PDE4D: variants seen among roughly 807,000 people sequenced by gnomAD.
PDE4D encodes the protein 3',5'-cyclic-AMP phosphodiesterase 4D.
PDE4D carries 24 observed loss-of-function variants against 87.4 expected under a neutral mutation model. The ratio of observed to expected loss-of-function variants is 0.27; its 90% CI spans 0.20 to 0.39. The LOEUF is 0.39. Among genes scored for constraint, PDE4D ranks in the 10% least tolerant of loss-of-function variants. The probability of loss-of-function intolerance (pLI) is 1.00; values close to 1 mark genes in which losing one functional copy is unlikely to be tolerated. For synonymous variants in PDE4D, 384 were observed against 383.2 expected (o/e 1.00, Z -0.02); for missense variants, 714 against 1,041.0 (o/e 0.69, Z 4.32).
chr5:60,378,881 AAGAG>A (rs368224897), intron 1 of PDE4D, among the ~76,000 whole-genome samples: 10 of 150,928 alleles, frequency 6.6e-5, no homozygotes, highest in African/African-American at 9.7e-5. Flanking sequence ...GAAAGAAAGA[AAGAG>A]AGAGAGAGAG....
intron 1 of PDE4D, among the ~76,000 whole-genome samples, chr5:59,388,647 A>ACACG (rs1243102888): frequency 2.0e-5 from 3 of 151,392 alleles, no homozygotes; most frequent in African/African-American, 7.3e-5. Flanking sequence ...ACACACACAC[A>ACACG]CTCACACACT....
intron 1 of PDE4D, among the ~76,000 whole-genome samples, chr5:59,484,306 T>G (rs1804740416): frequency 6.6e-6 from 1 of 152,216 alleles, no homozygotes; most frequent in African/African-American, 2.4e-5. Context: ...TGATGAATAA[T>G]GCTTATGTTT....
At chr5:60,331,734 G>T (rs1191899038) in intron 1 of PDE4D, among the ~76,000 whole-genome samples, 1 of 152,162 alleles carries the variant, frequency 6.6e-6, no homozygotes, top group African/African-American at 2.4e-5. Context: ...ATGCAGGGCT[G>T]GGCAGGGAAT....
chr5:59,580,530 G>A (rs765938847), intron 1 of PDE4D, among the ~76,000 whole-genome samples: 4 of 152,038 alleles, frequency 2.6e-5, no homozygotes, highest in Non-Finnish European at 5.9e-5. Flanking sequence ...GCAGTGGCAT[G>A]ATCATGGCTT....
chr5:60,301,313 ATT>A (rs1391374919), intron 1 of PDE4D, among the ~76,000 whole-genome samples: 4 of 152,134 alleles, frequency 2.6e-5, no homozygotes, highest in African/African-American at 4.8e-5. Context: ...CAGCATGACC[ATT>A]TTCACAATAT....
intron 9 of PDE4D, 71 bp from the exon 10 acceptor site, chr5:58,989,990 A>C (rs1399478246): frequency 1.1e-6 from 1 of 933,326 alleles, no homozygotes; most frequent in Non-Finnish European, 1.6e-6. Context: ...TATGTTTAAA[A>C]AAAAAAATCA....
chr5:59,943,111 T>C (rs1444973821), intron 3 of PDE4D, among the ~76,000 whole-genome samples: 1 of 152,166 alleles, frequency 6.6e-6, no homozygotes, highest in Non-Finnish European at 1.5e-5. Context: ...CACTTGAATG[T>C]ATTTTGAGTC....
intron 2 of PDE4D, among the ~76,000 whole-genome samples, chr5:59,214,064 AC>A (rs1243019102): frequency 1.1e-4 from 16 of 148,714 alleles, no homozygotes; most frequent in Non-Finnish European, 1.9e-4. Flanking sequence ...ACACACACAC[AC>A]ACACACACAC....
intron 1 of PDE4D, among the ~76,000 whole-genome samples, chr5:59,614,300 C>CT (rs1173513365): frequency 6.6e-6 from 1 of 152,108 alleles, no homozygotes; most frequent in African/African-American, 2.4e-5. Flanking sequence ...GAGTAAGCAT[C>CT]TTATTTTGGA....
chr5:60,063,770 C>T (rs1771746925), intron 2 of PDE4D, among the ~76,000 whole-genome samples: 2 of 151,888 alleles, frequency 1.3e-5, no homozygotes, highest in African/African-American at 2.4e-5. Context: ...GTGAGATTTG[C>T]ATGGAGGTGA....
At chr5:59,619,284 GGCTCTC>G (rs1270083622) in intron 1 of PDE4D, among the ~76,000 whole-genome samples, 4 of 152,110 alleles carry the variant, frequency 2.6e-5, no homozygotes, top group African/African-American at 9.7e-5. Flanking sequence ...GAGGCAAGGA[GGCTCTC>G]TTGGACACAT....
chr5:59,238,224 A>ATTAC (rs1756900619), intron 1 of PDE4D, among the ~76,000 whole-genome samples: 1 of 152,172 alleles, frequency 6.6e-6, no homozygotes, highest in Non-Finnish European at 1.5e-5. Context: ...ATTTGGGGCT[A>ATTAC]TTACTTATGT....
At chr5:59,494,568 CTTTCA>C (rs1806805964) in intron 1 of PDE4D, among the ~76,000 whole-genome samples, 1 of 152,176 alleles carries the variant, frequency 6.6e-6, no homozygotes, top group African/African-American at 2.4e-5. Context: ...TTAGTCATAA[CTTTCA>C]TTTATTTTAT....
At chr5:60,155,011 G>C (rs1162384741) in intron 2 of PDE4D, among the ~76,000 whole-genome samples, 1 of 152,018 alleles carries the variant, frequency 6.6e-6, no homozygotes. Flanking sequence ...ATGGGCATTG[G>C]GTACTTTCCA....
intron 1 of PDE4D, among the ~76,000 whole-genome samples, chr5:59,457,269 C>A (rs1007985893): frequency 6.6e-6 from 1 of 152,194 alleles, no homozygotes; most frequent in South Asian, 2.1e-4. Context: ...CCATCAACGT[C>A]AAGGCAAGAC....
At chr5:59,804,976 A>C (rs1767579433) in intron 1 of PDE4D, among the ~76,000 whole-genome samples, 1 of 152,102 alleles carries the variant, frequency 6.6e-6, no homozygotes. Flanking sequence ...TATTTTTAGT[A>C]GAGACGGGGT....
At chr5:59,827,519 T>C (rs1770467036) in intron 1 of PDE4D, among the ~76,000 whole-genome samples, 1 of 152,178 alleles carries the variant, frequency 6.6e-6, no homozygotes, top group South Asian at 2.1e-4. Context: ...AATTAAACCA[T>C]TCAATGTCTG....
intron 1 of PDE4D, among the ~76,000 whole-genome samples, chr5:59,338,737 G>A (rs1023588331): frequency 6.6e-6 from 1 of 152,136 alleles, no homozygotes; most frequent in Non-Finnish European, 1.5e-5. Flanking sequence ...CAGGGGGCAG[G>A]CTGATGGCAG....
chr5:59,739,317 G>C (rs1035367906), intron 1 of PDE4D, among the ~76,000 whole-genome samples: 1 of 152,086 alleles, frequency 6.6e-6, no homozygotes, highest in Non-Finnish European at 1.5e-5. Context: ...CTATTCGGGA[G>C]GCTGAGATGA....
Sources: gnomAD v4.1 joint callset for allele counts (sites outside exome capture counted in the v4.1 genomes callset) on GRCh38, gnomAD v4.1.1 for gene constraint, MANE v1.5 for transcripts, NCBI Gene and HGNC (gene_info 2026-07-23, HGNC 2026-07-21) for gene names.